Variants in MAGI2 observed in about 807,000 individuals in gnomAD.
MAGI2 encodes the protein membrane associated guanylate kinase, WW and PDZ domain containing 2, also known as membrane-associated guanylate kinase, WW and PDZ domain-containing protein 2.
In MAGI2, 35 loss-of-function variants were observed where a neutral mutation model predicts 133.3. The observed-to-expected ratio is 0.26, with a 90% CI of 0.20 to 0.35. The LOEUF (loss-of-function observed/expected upper bound fraction) is 0.35, where lower values mean the gene tolerates loss of function less well. Ranked by LOEUF, MAGI2 falls within the 10% of genes least tolerant of loss-of-function variation. The pLI is 1.00. For synonymous variants in MAGI2, 729 were observed against 710.6 expected (o/e 1.03, Z -0.41); for missense variants, 1,636 against 1,863.4 (o/e 0.88, Z 2.25).
intron 13 of MAGI2, among the ~76,000 whole-genome samples, chr7:78,184,121 G>A (rs962890724): frequency 3.3e-5 from 5 of 152,142 alleles, no homozygotes; most frequent in Non-Finnish European, 7.3e-5. Flanking sequence ...TTTAAATGAA[G>A]TGCATTCAGA....
intron 3 of MAGI2, among the ~76,000 whole-genome samples, chr7:78,600,598 A>T (rs1348297204): frequency 6.6e-6 from 1 of 152,196 alleles, no homozygotes; most frequent in African/African-American, 2.4e-5. Context: ...AAGCAAATAG[A>T]AAAATGAGGC....
intron 1 of MAGI2, among the ~76,000 whole-genome samples, chr7:79,295,898 G>C (rs1438953098): frequency 1.3e-5 from 2 of 152,090 alleles, no homozygotes; most frequent in East Asian, 1.9e-4. Flanking sequence ...TTATTACTTT[G>C]AATTTTACTT....
In MAGI2 at chr7:79,152,216, A is replaced by G. The variant is rs114260801; in HGVS notation, c.302-145010T>C. On this transcript the variant is annotated intron_variant, in intron 1 of 21. Coordinates refer to ENST00000354212, the MANE Select transcript of MAGI2 (RefSeq NM_012301.4). ...AACCAACAAAGCAACAGATTGAAAC[A>G]TCACTAGAGAAAGAAATATCATTCG... Among the ~76,000 whole-genome samples the G allele has an allele frequency of 3.6e-3, 543 of 152,320 alleles. 3 individuals are homozygous for G. Among genetic ancestry groups the G allele is most frequent in the African/African-American group, 0.012 (519 of 41,578 alleles).
chr7:79,289,481 T>A (rs1398198194), intron 1 of MAGI2, among the ~76,000 whole-genome samples: 3 of 152,100 alleles, frequency 2.0e-5, no homozygotes, highest in Non-Finnish European at 4.4e-5. Context: ...GATCGTAAAA[T>A]CAATTAAGTA....
intron 2 of MAGI2, among the ~76,000 whole-genome samples, chr7:78,924,093 G>T (rs1046041708): frequency 1.4e-4 from 22 of 152,046 alleles, no homozygotes; most frequent in African/African-American, 5.3e-4. Flanking sequence ...GGAGATTTTG[G>T]GCTGAGACAA....
intron 6 of MAGI2, among the ~76,000 whole-genome samples, chr7:78,460,852 A>G (rs12539558): frequency 0.21 from 31,259 of 151,832 alleles, 3,306 homozygotes; most frequent in Middle Eastern, 0.29. Flanking sequence ...TCCTCAATAA[A>G]CCTTATGTCT....
intron 4 of MAGI2, among the ~76,000 whole-genome samples, chr7:78,516,803 T>C (rs1293935148): frequency 6.6e-6 from 1 of 152,180 alleles, no homozygotes; most frequent in Non-Finnish European, 1.5e-5. Flanking sequence ...CAGTGATATT[T>C]CGAAGGCAAG....
intron 9 of MAGI2, among the ~76,000 whole-genome samples, chr7:78,297,385 T>C (rs1288818830): frequency 6.6e-6 from 1 of 152,072 alleles, no homozygotes; most frequent in Non-Finnish European, 1.5e-5. Context: ...TTGGTGGGAC[T>C]GCAAACTAGT....
intron 1 of MAGI2, among the ~76,000 whole-genome samples, chr7:79,204,322 G>A (rs990255550): frequency 6.6e-6 from 1 of 152,000 alleles, no homozygotes; most frequent in Non-Finnish European, 1.5e-5. Flanking sequence ...AGTGGCCCTG[G>A]GCTCAGGACA....
chr7:79,020,337 G>T (rs768405520), intron 1 of MAGI2, among the ~76,000 whole-genome samples: 1 of 152,146 alleles, frequency 6.6e-6, no homozygotes, highest in South Asian at 2.1e-4. Flanking sequence ...ACAAAAATAT[G>T]TTTTGGAAAT....
intron 5 of MAGI2, among the ~76,000 whole-genome samples, chr7:78,497,215 A>G (rs2150512074): frequency 6.6e-6 from 1 of 152,318 alleles, no homozygotes; most frequent in South Asian, 2.1e-4. Context: ...TTATACATTT[A>G]AAAGTCTCCT....
intron 2 of MAGI2, among the ~76,000 whole-genome samples, chr7:78,736,730 T>C (rs892101150): frequency 3.9e-5 from 6 of 152,082 alleles, no homozygotes; most frequent in Admixed American, 1.3e-4. Context: ...ATCAAGGCAG[T>C]GGCAGCATCA....
Position 78,229,407 on chromosome 7 carries a change from C to CT in MAGI2, c.2047+26535dup, listed in dbSNP as rs1417483779. The stretch of plus-strand genomic sequence containing the variant: ...CCTGTGTCCTAACAACCATGCTGGG[C>CT]TGCCTCCCAACACCTTCACTTTGCA... On this transcript the variant is annotated intron_variant, in intron 10 of 21. Coordinates refer to ENST00000354212, the MANE Select transcript of MAGI2 (RefSeq NM_012301.4). 2.6e-5 allele frequency among the ~76,000 whole-genome samples: 4 copies of CT among 152,334 alleles called. No individual in the cohort carries two copies. In the East Asian group the frequency reaches 7.7e-4, roughly 29 times the overall value.
At chr7:78,471,555 G>T (rs1302386204) in intron 6 of MAGI2, among the ~76,000 whole-genome samples, 2 of 152,086 alleles carry the variant, frequency 1.3e-5, no homozygotes, top group African/African-American at 4.8e-5. Flanking sequence ...ATACTTCTAT[G>T]TATATTTCAA....
At chr7:78,742,760 AATAG>A (rs942117939) in intron 2 of MAGI2, among the ~76,000 whole-genome samples, 1 of 152,198 alleles carries the variant, frequency 6.6e-6, no homozygotes, top group African/African-American at 2.4e-5. Flanking sequence ...GCTTGTGACC[AATAG>A]ATAGTGACTC....
Position 78,653,636 on chromosome 7 carries a change from G to A in MAGI2, c.419-26397C>T, listed in dbSNP as rs143240013. On this transcript the variant is annotated intron_variant, in intron 2 of 21. Coordinates refer to ENST00000354212, the MANE Select transcript of MAGI2 (RefSeq NM_012301.4). ...ACATCACACACTGGGGCCTGTCAGGGGTTTGGGGGCTAGGGGAGGGATAGC... is the reference window on the plus strand; with the variant it reads ...ACATCACACACTGGGGCCTGTCAGGAGTTTGGGGGCTAGGGGAGGGATAGC... 8.5e-3 allele frequency among the ~76,000 whole-genome samples: 1,289 copies of A among 152,088 alleles called. 24 individuals are homozygous for A. The highest frequency in any genetic ancestry group is 0.03 in the African/African-American group (1,226 of 41,466).
intron 1 of MAGI2, among the ~76,000 whole-genome samples, chr7:79,300,491 G>T (rs1224242077): frequency 6.6e-6 from 1 of 152,194 alleles, no homozygotes; most frequent in African/African-American, 2.4e-5. Flanking sequence ...AAGCAGCAAA[G>T]CTTTCAAGTT....
chr7:78,681,103 C>T (rs1815602321), intron 2 of MAGI2, among the ~76,000 whole-genome samples: 1 of 152,104 alleles, frequency 6.6e-6, no homozygotes, highest in South Asian at 2.1e-4. Flanking sequence ...CTCAGACTCC[C>T]CCGACAAGAT....
chr7:78,710,034 G>A (rs1819025534), intron 2 of MAGI2, among the ~76,000 whole-genome samples: 1 of 152,126 alleles, frequency 6.6e-6, no homozygotes, highest in African/African-American at 2.4e-5. Flanking sequence ...ATATCCAGGA[G>A]GGTAAATGCA....
Sources: gnomAD v4.1 joint callset for allele counts (sites outside exome capture counted in the v4.1 genomes callset) on GRCh38, gnomAD v4.1.1 for gene constraint, MANE v1.5 for transcripts, NCBI Gene and HGNC (gene_info 2026-07-23, HGNC 2026-07-21) for gene names.